The following KIAA1217 variants were observed in gnomAD, a reference collection of about 807,000 sequenced individuals.
The protein encoded by KIAA1217 is sickle tail protein homolog.
Under a neutral mutation model 163.9 loss-of-function variants are expected in KIAA1217, and 88 were observed. The ratio of observed to expected loss-of-function variants is 0.54; its 90% CI spans 0.45 to 0.64. The LOEUF is 0.64. Ranked by LOEUF, KIAA1217 falls within the 30% of genes least tolerant of loss-of-function variation. The pLI, the probability that KIAA1217 is intolerant of heterozygous loss-of-function variation, is 0.00. For synonymous variants in KIAA1217, 903 were observed against 923.1 expected (o/e 0.98, Z 0.39); for missense variants, 2,372 against 2,475.0 (o/e 0.96, Z 0.88).
chr10:24,374,821 C>G (rs1406682221), intron 2 of KIAA1217, among the ~76,000 whole-genome samples: 1 of 152,094 alleles, frequency 6.6e-6, no homozygotes, highest in Non-Finnish European at 1.5e-5. Context: ...GAGTCTTGTT[C>G]TTTCTCCCAG....
At position 24,046,401 on chromosome 10, in the gene KIAA1217, T is replaced by C. The variant is rs1849030738; in HGVS notation, c.-171+39027T>C. Among the ~76,000 whole-genome samples, 4 of 152,300 alleles carry C rather than the reference T, an allele frequency of 2.6e-5. No individual in the cohort carries two copies. In the South Asian group the frequency reaches 8.3e-4, roughly 32 times the overall value. The stretch of plus-strand genomic sequence containing the variant: ...CTGATAAGGAAACAGACAGAGAGTG[T>C]ATTAGTCCATTCTCACACTGCTGTA... On this transcript the variant is annotated intron_variant, in intron 2 of 18. Transcript: ENST00000376462.
intron 1 of KIAA1217, among the ~76,000 whole-genome samples, chr10:23,749,298 T>C (rs79664710): frequency 0.014 from 2,150 of 152,310 alleles, 48 homozygotes; most frequent in African/African-American, 0.05. Flanking sequence ...TCTTGAAATG[T>C]TTTTCTTTGG....
At chr10:24,276,125 A>G (rs1362011549) in intron 2 of KIAA1217, among the ~76,000 whole-genome samples, 1 of 152,204 alleles carries the variant, frequency 6.6e-6, no homozygotes, top group Non-Finnish European at 1.5e-5. Flanking sequence ...TAGTAATTGA[A>G]TTGGGCTACA....
At chr10:24,137,252 A>T (rs2063867285) in intron 2 of KIAA1217, among the ~76,000 whole-genome samples, 1 of 152,218 alleles carries the variant, frequency 6.6e-6, no homozygotes, top group Non-Finnish European at 1.5e-5. Context: ...TGTTGGCAAG[A>T]CCCATAGTTC....
chr10:24,316,255 C>T (rs534748614), intron 2 of KIAA1217, among the ~76,000 whole-genome samples: 1 of 152,242 alleles, frequency 6.6e-6, no homozygotes, highest in Admixed American at 6.5e-5. Context: ...CCATTGGCAG[C>T]AGGAACTGTT....
intron 2 of KIAA1217, among the ~76,000 whole-genome samples, chr10:24,380,517 C>G (rs2053150393): frequency 6.6e-6 from 1 of 152,018 alleles, no homozygotes; most frequent in Non-Finnish European, 1.5e-5. Context: ...TGGGGCACAC[C>G]TGTAGTCCCA....
At chr10:23,773,845 T>C (rs539481139) in intron 1 of KIAA1217, among the ~76,000 whole-genome samples, 1 of 152,164 alleles carries the variant, frequency 6.6e-6, no homozygotes, top group East Asian at 1.9e-4. Flanking sequence ...CTTATCAGCT[T>C]AAGGAGATTT....
At chr10:24,441,706 G>T (rs527631502) in intron 5 of KIAA1217, among the ~76,000 whole-genome samples, 1 of 152,100 alleles carries the variant, frequency 6.6e-6, no homozygotes, top group Admixed American at 6.5e-5. Context: ...CGTGGCTTTT[G>T]TTTCCTTACA....
At chr10:24,217,018 C>G (rs988490972) in intron 1 of KIAA1217, among the ~76,000 whole-genome samples, 3 of 88,608 alleles carry the variant, frequency 3.4e-5, no homozygotes, top group African/African-American at 1.4e-4. Flanking sequence ...GGTGACAGAG[C>G]AAGACCTTGT....
At chr10:23,930,403 C>T (rs185250882) in intron 1 of KIAA1217, among the ~76,000 whole-genome samples, 52 of 152,218 alleles carry the variant, frequency 3.4e-4, no homozygotes, top group African/African-American at 1.2e-3. Flanking sequence ...AAAAAATTGT[C>T]GAAAGTCCTC....
At chr10:24,346,421 G>A (rs1364433386) in intron 2 of KIAA1217, among the ~76,000 whole-genome samples, 5 of 151,868 alleles carry the variant, frequency 3.3e-5, no homozygotes, top group African/African-American at 9.7e-5. Context: ...GCAGTGAGCC[G>A]AGATCGTGCC....
chr10:24,534,720 A>C (rs537492619), intron 16 of KIAA1217, among the ~76,000 whole-genome samples: 6 of 151,848 alleles, frequency 4.0e-5, no homozygotes, highest in African/African-American at 1.4e-4. Flanking sequence ...TCTCTACTAA[A>C]AACTACAAAA....
At chr10:23,887,012 A>G (rs1841204914) in intron 1 of KIAA1217, among the ~76,000 whole-genome samples, 1 of 151,888 alleles carries the variant, frequency 6.6e-6, no homozygotes, top group Non-Finnish European at 1.5e-5. Flanking sequence ...TCTTAATTCA[A>G]TCTTTATCAT....
At chr10:23,714,340 C>G (rs1159237973) in intron 1 of KIAA1217, among the ~76,000 whole-genome samples, 1 of 151,964 alleles carries the variant, frequency 6.6e-6, no homozygotes, top group Non-Finnish European at 1.5e-5. Flanking sequence ...AAATTGCTCC[C>G]AGGATAGACT....
chr10:23,827,218 T>C (rs2131029487), intron 1 of KIAA1217, among the ~76,000 whole-genome samples: 1 of 152,312 alleles, frequency 6.6e-6, no homozygotes, highest in African/African-American at 2.4e-5. Context: ...GCTCTGGGAA[T>C]AAGGAGTGAA....
chr10:24,452,983 G>A (rs772305828), intron 5 of KIAA1217, among the ~76,000 whole-genome samples: 10 of 152,184 alleles, frequency 6.6e-5, no homozygotes, highest in Non-Finnish European at 1.5e-4. Context: ...ATTTGGAGTC[G>A]TAGGATTTTT....
At chr10:23,927,263 G>A (rs541713158) in intron 1 of KIAA1217, among the ~76,000 whole-genome samples, 2 of 151,214 alleles carry the variant, frequency 1.3e-5, no homozygotes, top group African/African-American at 4.9e-5. Flanking sequence ...TTTACTATAA[G>A]TTATTTCTGT....
chr10:24,289,765 GTGGGAACAGGAAAGGATGC>G (rs1391182920), intron 2 of KIAA1217, among the ~76,000 whole-genome samples: 2 of 152,112 alleles, frequency 1.3e-5, no homozygotes, highest in Non-Finnish European at 2.9e-5. Flanking sequence ...GCAACACAGT[GTGGGAACAGGAAAGGATGC>G]TGGGACCCCC....
At chr10:24,333,417 C>A (rs555608861) in intron 2 of KIAA1217, among the ~76,000 whole-genome samples, 47 of 152,098 alleles carry the variant, frequency 3.1e-4, no homozygotes, top group Non-Finnish European at 6.2e-4. Context: ...TTCCTCAAAG[C>A]GTATCTTTTT....
Sources: allele counts gnomAD v4.1 joint callset (sites outside exome capture counted in the v4.1 genomes callset), GRCh38; gene constraint gnomAD v4.1.1; transcripts MANE v1.5; gene names NCBI Gene and HGNC (gene_info 2026-07-23, HGNC 2026-07-21).